The following SND1 variants were observed in gnomAD, a reference collection of about 807,000 sequenced individuals.
SND1 encodes staphylococcal nuclease domain-containing protein 1.
A neutral mutation model predicts 121.7 loss-of-function variants in SND1; 38 were observed. The ratio of observed to expected loss-of-function variants is 0.31; its 90% CI spans 0.24 to 0.41. The LOEUF (loss-of-function observed/expected upper bound fraction) is 0.41, where lower values mean the gene tolerates loss of function less well. Ranked by LOEUF, SND1 falls within the 10% of genes least tolerant of loss-of-function variation. The probability of loss-of-function intolerance (pLI) is 1.00; values close to 1 mark genes in which losing one functional copy is unlikely to be tolerated. For missense variants in SND1, 868 were observed against 1,184.6 expected (o/e 0.73, Z 3.92); for synonymous variants, 401 against 447.4 (o/e 0.90, Z 1.31).
chr7:127,912,591 T>C (rs1373556285), intron 14 of SND1, among the ~76,000 whole-genome samples: 1 of 152,230 alleles, frequency 6.6e-6, no homozygotes, highest in African/African-American at 2.4e-5. Context: ...CCTAGTAACT[T>C]ATCTATATCT....
intron 12 of SND1, among the ~76,000 whole-genome samples, chr7:127,859,507 G>A (rs10278193): frequency 0.97 from 147,236 of 152,304 alleles, 71,297 homozygotes; most frequent in East Asian, 1. Flanking sequence ...TCTCAGGGTC[G>A]TGTTCTTTGG....
intron 15 of SND1, among the ~76,000 whole-genome samples, chr7:127,953,072 G>A (rs563057601): frequency 9.9e-5 from 15 of 152,184 alleles, no homozygotes; most frequent in Middle Eastern, 3.4e-3. Flanking sequence ...GCTGAAGTGG[G>A]AGGATCACTT....
chr7:127,926,765 G>GTTA (rs1324573833), intron 14 of SND1, among the ~76,000 whole-genome samples: 10 of 142,526 alleles, frequency 7.0e-5, no homozygotes, highest in African/African-American at 2.8e-4. Context: ...TGTTGTTGTT[G>GTTA]TACTTTTAGT....
At chr7:127,694,980 A>T (rs1269371815) in intron 3 of SND1, 32 bp downstream of exon 3, 2 of 1,597,600 alleles carry the variant, frequency 1.3e-6, no homozygotes, top group Non-Finnish European at 1.7e-6. Context: ...CATTTCTCTC[A>T]AGTCTAAAGT....
intron 1 of SND1, among the ~76,000 whole-genome samples, chr7:127,685,348 C>T (rs1795794266): frequency 6.6e-6 from 1 of 152,136 alleles, no homozygotes; most frequent in Non-Finnish European, 1.5e-5. Flanking sequence ...ACTCCATGGT[C>T]TTGTCTAAAC....
rs779375984 is a variant in SND1 at position 127,667,909 on chromosome 7, A to G, written c.78+15458A>G. 5.2e-4 allele frequency among the ~76,000 whole-genome samples: 79 copies of G among 152,202 alleles called. 1 individual carries two copies. Among genetic ancestry groups the G allele is most frequent in the Non-Finnish European group, 2.2e-4 (15 of 68,038 alleles). On this transcript the variant is annotated intron_variant, in intron 1 of 23. Transcript: ENST00000354725. ...GTTTTGAGTGGCTGCATTGTTTTCCATTATGTAAAATGCTGTTGATCAACT... is the reference window on the plus strand; with the variant it reads ...GTTTTGAGTGGCTGCATTGTTTTCCGTTATGTAAAATGCTGTTGATCAACT...
chr7:127,818,107 TATA>T (rs943783584), intron 11 of SND1, among the ~76,000 whole-genome samples: 1 of 152,184 alleles, frequency 6.6e-6, no homozygotes, highest in Non-Finnish European at 1.5e-5. Context: ...CATACTGTTA[TATA>T]ATAATATAGA....
chr7:127,747,357 GTC>G (rs140087577), intron 10 of SND1, among the ~76,000 whole-genome samples: 2,603 of 152,304 alleles, frequency 0.017, 93 homozygotes, highest in African/African-American at 0.059. Context: ...TCCTGCCCTT[GTC>G]TCTCTGAGGA....
intron 14 of SND1, among the ~76,000 whole-genome samples, chr7:127,911,030 G>T (rs1284160143): frequency 1.3e-5 from 2 of 152,186 alleles, no homozygotes; most frequent in Admixed American, 1.3e-4. Flanking sequence ...AAATATGGTT[G>T]GCCCCTTGCC....
In SND1 at chr7:128,085,675, G is replaced by T; in HGVS notation, c.2235-36G>T. ...GCTCTGGGAGCCCAGAGTCCTCAGG[G>T]CTGTCTCTTGAGCTCTGCCCATGAT... On this transcript the variant is annotated intron_variant, in intron 19 of 23. Transcript: ENST00000354725. The surrounding 1 kb of genome is among the most constrained non-coding windows in gnomAD (Gnocchi z 4.4). The T allele has an allele frequency of 1.2e-6, 2 of 1,604,244 alleles. No individual in the cohort carries two copies. Among genetic ancestry groups the T allele is most frequent in the Non-Finnish European group, 1.7e-6 (2 of 1,171,282 alleles).
intron 1 of SND1, among the ~76,000 whole-genome samples, chr7:127,659,358 G>GC (rs1795270266): frequency 6.6e-6 from 1 of 152,122 alleles, no homozygotes; most frequent in Non-Finnish European, 1.5e-5. Context: ...GTTTCAGTTG[G>GC]CATTTTTTAA....
intron 16 of SND1, among the ~76,000 whole-genome samples, chr7:128,031,798 G>A (rs564588464): frequency 6.8e-6 from 1 of 147,050 alleles, no homozygotes; most frequent in Non-Finnish European, 1.5e-5. Flanking sequence ...GCCGCTGCCC[G>A]GCCCCCGGCG....
intron 10 of SND1, among the ~76,000 whole-genome samples, chr7:127,746,175 G>C (rs1043147106): frequency 1.3e-5 from 2 of 152,178 alleles, no homozygotes; most frequent in Non-Finnish European, 2.9e-5. Context: ...GAAGGGAATG[G>C]TCATCTTAGA....
At chr7:127,830,737 G>A (rs1420264734) in intron 11 of SND1, among the ~76,000 whole-genome samples, 1 of 152,126 alleles carries the variant, frequency 6.6e-6, no homozygotes, top group Non-Finnish European at 1.5e-5. Context: ...CTGCTTGACT[G>A]ATTCCAGTCT....
At chr7:127,701,429 T>A in intron 5 of SND1, 106 bp downstream of exon 5, 1 of 1,168,770 alleles carries the variant, frequency 8.6e-7, no homozygotes, top group Non-Finnish European at 1.2e-6. Flanking sequence ...CTTATACTTA[T>A]TTAGTATCCA....
At chr7:127,936,753 C>T (rs942048603) in intron 15 of SND1, among the ~76,000 whole-genome samples, 1 of 152,124 alleles carries the variant, frequency 6.6e-6, no homozygotes, top group Admixed American at 6.5e-5. Context: ...AACTGTGTTG[C>T]CCAGGCTGGT....
At chr7:127,913,370 T>C (rs1800501023) in intron 14 of SND1, among the ~76,000 whole-genome samples, 1 of 152,212 alleles carries the variant, frequency 6.6e-6, no homozygotes, top group South Asian at 2.1e-4. Flanking sequence ...TCCTAGCTTT[T>C]AGTGAAGTGT....
chr7:128,091,774 G>C (rs1793784797), intron 22 of SND1, 63 bp from the exon 23 acceptor site: 1 of 1,561,364 alleles, frequency 6.4e-7, no homozygotes, highest in South Asian at 1.1e-5. Flanking sequence ...ATTCTGCAGG[G>C]TCCTGCTGGC....
chr7:127,665,332 G>A (rs1289010008), intron 1 of SND1, among the ~76,000 whole-genome samples: 1 of 151,816 alleles, frequency 6.6e-6, no homozygotes, highest in African/African-American at 2.4e-5. Flanking sequence ...GACTACAGGC[G>A]CCCGCCACCA....
Sources: gnomAD v4.1 joint callset for allele counts (sites outside exome capture counted in the v4.1 genomes callset) on GRCh38, gnomAD v4.1.1 for gene constraint, Gnocchi (gnomAD v3.1) non-coding constraint, MANE v1.5 for transcripts, NCBI Gene and HGNC (gene_info 2026-07-23, HGNC 2026-07-21) for gene names.